Variants in FER observed in about 807,000 individuals in gnomAD.
The protein encoded by FER is tyrosine-protein kinase Fer.
FER carries 63 observed loss-of-function variants against 111.0 expected under a neutral mutation model. That is an observed-to-expected ratio of 0.57 (90% CI 0.46 to 0.70). The LOEUF is 0.70. FER is among the 30% of genes least tolerant of loss of function. FER has a pLI of 0.00. For missense variants in FER, 914 were observed against 954.0 expected (o/e 0.96, Z 0.55); for synonymous variants, 327 against 313.9 (o/e 1.04, Z -0.44).
At chr5:109,053,364 AAG>A (rs1171456342) in intron 16 of FER, among the ~76,000 whole-genome samples, 2 of 148,936 alleles carry the variant, frequency 1.3e-5, no homozygotes, top group Non-Finnish European at 3.0e-5. Flanking sequence ...GCCTCAGCGA[AAG>A]AGTGAGACTC....
intron 16 of FER, among the ~76,000 whole-genome samples, chr5:109,069,042 A>G (rs1045131933): frequency 1.3e-5 from 2 of 152,066 alleles, no homozygotes; most frequent in Non-Finnish European, 2.9e-5. Context: ...TTTTCTTCCT[A>G]CTAGACTATT....
intron 17 of FER, among the ~76,000 whole-genome samples, chr5:109,104,238 CAG>C (rs1748605431): frequency 4.6e-5 from 7 of 152,260 alleles, no homozygotes; most frequent in Admixed American, 3.9e-4. Flanking sequence ...ATTAATCAGT[CAG>C]AGTTTTGCTT....
At position 109,195,160 on chromosome 5, in the gene FER, C is replaced by G. The variant is rs1264721215; in HGVS notation, c.*7585C>G. 1.3e-5 allele frequency: 2 copies of G among 152,188 alleles called. No individual in the cohort carries two copies. The highest frequency in any genetic ancestry group is 2.9e-5 in the Non-Finnish European group (2 of 68,046). 9.4% of individuals were successfully genotyped at this position (152,188 alleles called of 1,614,324 possible). ...TGCCTGCCTGCTCTTAAATGCCAGA[C>G]AGTTGGAAGCAAATGCCGAGGGAAA... is the stretch of plus-strand genomic sequence containing the variant. On this transcript the variant is annotated 3_prime_UTR_variant, in exon 20 of 20. Transcript: ENST00000281092.
chr5:108,973,292 A>C (rs1310311175), intron 13 of FER, among the ~76,000 whole-genome samples: 2 of 152,172 alleles, frequency 1.3e-5, no homozygotes, highest in Admixed American at 6.5e-5. Flanking sequence ...GAACGATTTA[A>C]TTGTGCCACA....
At chr5:109,100,971 A>T (rs1748157592) in intron 17 of FER, among the ~76,000 whole-genome samples, 1 of 124,472 alleles carries the variant, frequency 8.0e-6, no homozygotes, top group Non-Finnish European at 1.7e-5. Flanking sequence ...GACTCATTTA[A>T]TGCTCTTTTG....
chr5:108,794,472 G>A (rs1338640150), intron 2 of FER, among the ~76,000 whole-genome samples: 1 of 151,020 alleles, frequency 6.6e-6, no homozygotes, highest in Non-Finnish European at 1.5e-5. Context: ...ACCCACCTTG[G>A]CCTCCCAAAG....
intron 11 of FER, among the ~76,000 whole-genome samples, chr5:108,950,178 A>C (rs1206001187): frequency 6.6e-6 from 1 of 152,136 alleles, no homozygotes; most frequent in Non-Finnish European, 1.5e-5. Context: ...TGTGGAGGTA[A>C]CCTGATACTT....
chr5:109,080,482 C>G (rs913368832), intron 16 of FER, among the ~76,000 whole-genome samples: 2 of 152,102 alleles, frequency 1.3e-5, no homozygotes, highest in East Asian at 3.9e-4. Flanking sequence ...CAATGCATTA[C>G]CCATTTTGAT....
At chr5:108,870,993 G>A (rs996954501) in intron 6 of FER, among the ~76,000 whole-genome samples, 2 of 151,952 alleles carry the variant, frequency 1.3e-5, no homozygotes, top group Non-Finnish European at 2.9e-5. Flanking sequence ...CACTGGAAAG[G>A]AACATTAAAG....
intron 10 of FER, among the ~76,000 whole-genome samples, chr5:108,933,438 G>A (rs933458713): frequency 1.5e-4 from 23 of 151,428 alleles, no homozygotes; most frequent in African/African-American, 5.6e-4. Context: ...CCTCTGTTCT[G>A]TTTCATTGGT....
Position 109,115,722 on chromosome 5 carries a change from T to C in FER, c.2048+15203T>C, listed in dbSNP as rs907279342. Among the ~76,000 whole-genome samples, 3 of 152,108 alleles carry C rather than the reference T, an allele frequency of 2.0e-5. No individual in the cohort carries two copies. In the South Asian group the frequency reaches 6.2e-4, roughly 31 times the overall value. ...CTGTTCTTTCAGAAAAATCAGAATT[T>C]TCAGCTTCCAATTGTTTTGTGGTTT... On this transcript the variant is annotated intron_variant, in intron 17 of 19. Transcript: ENST00000281092.
intron 13 of FER, among the ~76,000 whole-genome samples, chr5:108,986,785 A>G (rs1460004543): frequency 6.6e-6 from 1 of 152,096 alleles, no homozygotes; most frequent in Non-Finnish European, 1.5e-5. Flanking sequence ...TGGGTTCTCT[A>G]TTCTGTTCCA....
intron 14 of FER, among the ~76,000 whole-genome samples, chr5:109,041,586 T>C (rs1179265583): frequency 6.6e-6 from 1 of 152,136 alleles, no homozygotes; most frequent in Non-Finnish European, 1.5e-5. Flanking sequence ...AGAAAATAGC[T>C]TGGAGTGCAA....
intron 13 of FER, among the ~76,000 whole-genome samples, chr5:109,020,258 T>G (rs529785741): frequency 1.3e-5 from 2 of 152,094 alleles, no homozygotes; most frequent in African/African-American, 4.8e-5. Flanking sequence ...AAGATCAGCA[T>G]TTTTAGAATA....
At chr5:108,814,950 A>G (rs1224119470) in intron 3 of FER, among the ~76,000 whole-genome samples, 1 of 151,890 alleles carries the variant, frequency 6.6e-6, no homozygotes, top group Non-Finnish European at 1.5e-5. Context: ...TCCCCCAACT[A>G]CCTGGTTTCT....
At chr5:108,877,344 G>A (rs1006552596) in intron 8 of FER, among the ~76,000 whole-genome samples, 14 of 152,130 alleles carry the variant, frequency 9.2e-5, no homozygotes, top group Admixed American at 3.9e-4. Context: ...GTGACATGTC[G>A]GAAGGACCGT....
intron 17 of FER, among the ~76,000 whole-genome samples, chr5:109,167,648 C>G (rs1756692322): frequency 6.6e-6 from 1 of 152,180 alleles, no homozygotes; most frequent in Admixed American, 6.6e-5. Flanking sequence ...AGTTCTTAAA[C>G]CTTATGTCAG....
chr5:108,995,497 A>G (rs927962708), intron 13 of FER, among the ~76,000 whole-genome samples: 3 of 149,704 alleles, frequency 2.0e-5, no homozygotes, highest in Non-Finnish European at 3.0e-5. Flanking sequence ...GCTCCCACTT[A>G]TGAATGAGAA....
intron 8 of FER, among the ~76,000 whole-genome samples, chr5:108,881,074 C>T (rs927598983): frequency 9.9e-5 from 15 of 152,126 alleles, no homozygotes; most frequent in African/African-American, 2.7e-4. Context: ...CTAGTCCAAT[C>T]GCACACCTCT....
Sources: gnomAD v4.1 joint callset for allele counts (sites outside exome capture counted in the v4.1 genomes callset) on GRCh38, gnomAD v4.1.1 for gene constraint, MANE v1.5 for transcripts, NCBI Gene and HGNC (gene_info 2026-07-23, HGNC 2026-07-21) for gene names.